SYT16: variants seen among roughly 807,000 people sequenced by gnomAD.
SYT16 encodes the protein synaptotagmin 16.
In SYT16, 42 loss-of-function variants were observed where a neutral mutation model predicts 61.4. The ratio of observed to expected loss-of-function variants is 0.68; its 90% CI spans 0.53 to 0.89. The LOEUF is 0.89. SYT16 is among the 40% of genes least tolerant of loss of function. The pLI is 0.00. For synonymous variants in SYT16, 314 were observed against 302.3 expected, an observed-to-expected ratio of 1.04 and a Z score of -0.40; for missense variants, 804 against 807.3, an observed-to-expected ratio of 1.00 and a Z score of 0.05.
intron 3 of SYT16, among the ~76,000 whole-genome samples, chr14:62,029,094 A>G (rs190358724): frequency 6.6e-6 from 1 of 152,332 alleles, no homozygotes; most frequent in African/African-American, 2.4e-5. Context: ...CCATAGGGCC[A>G]GCCTGAGCAT....
Position 62,050,387 on chromosome 14 carries a change from A to G in SYT16, c.524-19216A>G, listed in dbSNP as rs555673417. ...TAGCCATTCGTCCAATTTTTTTTCAAGGTTTTTAACTTCTTTGCCATTGGT... is the reference window on the plus strand; with the variant it reads ...TAGCCATTCGTCCAATTTTTTTTCAGGGTTTTTAACTTCTTTGCCATTGGT... On this transcript the variant is annotated intron_variant, in intron 3 of 7. Coordinates refer to ENST00000683842, the MANE Select transcript of SYT16 (RefSeq NM_001367656.1). Among the ~76,000 whole-genome samples, 91 of 152,132 alleles carry G rather than the reference A, an allele frequency of 6.0e-4. 1 individual carries two copies. The highest frequency in any genetic ancestry group is 2.1e-3 in the African/African-American group (87 of 41,488).
upstream of SYT16, chr14:61,812,678 A>AG (rs1278927255): frequency 6.9e-6 from 1 of 145,676 alleles, no homozygotes; most frequent in Non-Finnish European, 1.5e-5. Context: ...GCGCGGCAGG[A>AG]GGGGCTGTGC....
intron 2 of SYT16, among the ~76,000 whole-genome samples, chr14:61,990,148 T>G (rs1275672155): frequency 6.6e-6 from 1 of 152,212 alleles, no homozygotes; most frequent in African/African-American, 2.4e-5. Context: ...AGTTGCAGCC[T>G]ATTTTATAGT....
chr14:62,008,160 TC>T (rs1043706184), intron 3 of SYT16, among the ~76,000 whole-genome samples: 4 of 152,088 alleles, frequency 2.6e-5, no homozygotes, highest in African/African-American at 9.7e-5. Flanking sequence ...CCTCTTCCAT[TC>T]TTTTTTCTTC....
At chr14:61,885,099 C>T (rs1001485830) in intron 1 of SYT16, among the ~76,000 whole-genome samples, 2 of 152,152 alleles carry the variant, frequency 1.3e-5, no homozygotes, top group African/African-American at 2.4e-5. Flanking sequence ...CAGAAAGTAT[C>T]ATCACAATTT....
chr14:62,051,365 C>G (rs533887084), intron 3 of SYT16, among the ~76,000 whole-genome samples: 1 of 152,362 alleles, frequency 6.6e-6, no homozygotes, highest in East Asian at 1.9e-4. Flanking sequence ...CAGGTGCCAT[C>G]TGTCACCCTT....
chr14:61,847,943 T>C (rs2046492350), intron 1 of SYT16, among the ~76,000 whole-genome samples: 1 of 152,348 alleles, frequency 6.6e-6, no homozygotes. Context: ...ATTTATCTGA[T>C]AGGATTCTGA....
At chr14:61,923,852 C>T (rs1439260329) in intron 1 of SYT16, among the ~76,000 whole-genome samples, 1 of 152,036 alleles carries the variant, frequency 6.6e-6, no homozygotes, top group African/African-American at 2.4e-5. Context: ...GGAATTTGAC[C>T]TCCCTTCAAA....
intron 3 of SYT16, among the ~76,000 whole-genome samples, chr14:62,017,799 C>T (rs966240247): frequency 6.6e-6 from 1 of 151,884 alleles, no homozygotes; most frequent in Non-Finnish European, 1.5e-5. Context: ...TAGCTCACGG[C>T]AGCCTTGAGC....
intron 1 of SYT16, among the ~76,000 whole-genome samples, chr14:61,839,949 G>T (rs1363054118): frequency 1.3e-5 from 2 of 151,816 alleles, no homozygotes; most frequent in Non-Finnish European, 2.9e-5. Context: ...AAGGGAAAGG[G>T]AGAGGAGAAG....
intron 7 of SYT16, among the ~76,000 whole-genome samples, chr14:62,088,692 G>A (rs988014746): frequency 6.6e-6 from 1 of 152,108 alleles, no homozygotes; most frequent in African/African-American, 2.4e-5. Flanking sequence ...GCATTGAAGA[G>A]CAACAATGGC....
intron 1 of SYT16, among the ~76,000 whole-genome samples, chr14:61,963,951 T>C (rs1324265157): frequency 2.6e-5 from 4 of 152,144 alleles, no homozygotes; most frequent in Non-Finnish European, 1.5e-5. Flanking sequence ...AGCACATCTA[T>C]TTATAGGATG....
chr14:61,850,176 C>T (rs2046570015), intron 1 of SYT16, among the ~76,000 whole-genome samples: 1 of 151,642 alleles, frequency 6.6e-6, no homozygotes, highest in African/African-American at 2.4e-5. Context: ...CTCCTGTCAC[C>T]CAGGCTGGAG....
In SYT16 at chr14:62,109,796, G is replaced by T. The variant is rs1217219480; in HGVS notation, c.*9089G>T. 1 of 152,100 alleles carries T rather than the reference G, an allele frequency of 6.6e-6. No individual in the cohort carries two copies. Among genetic ancestry groups the T allele is most frequent in the Non-Finnish European group, 1.5e-5 (1 of 67,994 alleles). 9.4% of individuals were successfully genotyped at this position (152,100 alleles called of 1,614,324 possible). ...GATTCATGATAGAAAATCACCTTCTGTCGCTAGTTTATATGACTTTACATT... is the reference window on the plus strand; with the variant it reads ...GATTCATGATAGAAAATCACCTTCTTTCGCTAGTTTATATGACTTTACATT... On this transcript the variant is annotated 3_prime_UTR_variant, in exon 8 of 8. Transcript: ENST00000683842.
intron 7 of SYT16, among the ~76,000 whole-genome samples, chr14:62,096,077 C>T (rs376174086): frequency 6.6e-6 from 1 of 151,932 alleles, no homozygotes; most frequent in South Asian, 2.1e-4. Flanking sequence ...ACATGCAAAG[C>T]TCAATTACAG....
chr14:61,816,738 G>A (rs769659741), intron 1 of SYT16, among the ~76,000 whole-genome samples: 6 of 152,140 alleles, frequency 3.9e-5, no homozygotes, highest in African/African-American at 7.2e-5. Context: ...TTGGCCGGGC[G>A]CGGTGGCTCA....
At chr14:61,887,215 G>A (rs2047942880) in intron 1 of SYT16, among the ~76,000 whole-genome samples, 1 of 152,150 alleles carries the variant, frequency 6.6e-6, no homozygotes, top group Non-Finnish European at 1.5e-5. Flanking sequence ...TATTTTGAAA[G>A]GAATCTTTTT....
chr14:61,857,238 G>A (rs1028724961), intron 1 of SYT16, among the ~76,000 whole-genome samples: 11 of 152,156 alleles, frequency 7.2e-5, no homozygotes, highest in African/African-American at 2.7e-4. Flanking sequence ...CATGTGTCTG[G>A]TCCCCCTTGG....
chr14:61,861,330 A>T (rs1221902715), intron 1 of SYT16, among the ~76,000 whole-genome samples: 1 of 152,240 alleles, frequency 6.6e-6, no homozygotes, highest in African/African-American at 2.4e-5. Flanking sequence ...TGGTAAAAAT[A>T]TAAACATTTT....
Sources: gnomAD v4.1 joint callset for allele counts (sites outside exome capture counted in the v4.1 genomes callset) on GRCh38, gnomAD v4.1.1 for gene constraint, MANE v1.5 for transcripts, NCBI Gene and HGNC (gene_info 2026-07-23, HGNC 2026-07-21) for gene names.